The following KLHL5 variants were observed in gnomAD, a reference collection of about 807,000 sequenced individuals.
KLHL5 encodes kelch like family member 5, also known as kelch-like protein 5.
A neutral mutation model predicts 77.7 loss-of-function variants in KLHL5; 48 were observed. The observed-to-expected ratio is 0.62, with a 90% CI of 0.49 to 0.79. The LOEUF is 0.79. KLHL5 is among the 30% of genes least tolerant of loss of function. The pLI, the probability that KLHL5 is intolerant of heterozygous loss-of-function variation, is 0.00. For missense variants in KLHL5, 723 were observed against 859.7 expected (o/e 0.84, Z 1.99); for synonymous variants, 260 against 297.0 (o/e 0.88, Z 1.28).
Position 39,121,185 on chromosome 4 carries a change from C to T in KLHL5, c.*119C>T. 1 of 773,982 alleles carries T rather than the reference C, an allele frequency of 1.3e-6. No individual in the cohort carries two copies. Among genetic ancestry groups the T allele is most frequent in the Non-Finnish European group, 2.2e-6 (1 of 458,942 alleles). The allele number at this position is 773,982 out of a possible 1,614,324, so 47.9% of individuals were successfully genotyped here. On this transcript the variant is annotated 3_prime_UTR_variant, in exon 11 of 11. Transcript: ENST00000504108. ...TTGTCACAATCCTGGGCACAAAGTG[C>T]CTGATGTCAAAATGAAGATAGTAAA...
intron 5 of KLHL5, among the ~76,000 whole-genome samples, chr4:39,094,817 G>C (rs927311430): frequency 1.3e-5 from 2 of 152,026 alleles, no homozygotes; most frequent in Admixed American, 6.6e-5. Context: ...AAATAAAAAT[G>C]CTCCTCCACT....
chr4:39,105,149 A>AT (rs1452001691), intron 7 of KLHL5, among the ~76,000 whole-genome samples: 1 of 110,024 alleles, frequency 9.1e-6, no homozygotes, highest in African/African-American at 3.0e-5. Context: ...AGTTCTGCTA[A>AT]ATTTTTTTTT....
chr4:39,091,735 A>G (rs901432792), intron 5 of KLHL5, among the ~76,000 whole-genome samples: 2 of 149,564 alleles, frequency 1.3e-5, no homozygotes, highest in Non-Finnish European at 3.0e-5. Context: ...TAGTGGCACA[A>G]TCATAGCTCA....
At chr4:39,115,109 A>T in intron 9 of KLHL5, 50 bp from the exon 10 acceptor site, 1 of 1,539,644 alleles carries the variant, frequency 6.5e-7, no homozygotes, top group Non-Finnish European at 8.8e-7. Context: ...CTGTTTTTAC[A>T]TAAATATTTT....
At chr4:39,055,094 G>C (rs1184196235) in intron 1 of KLHL5, among the ~76,000 whole-genome samples, 1 of 152,190 alleles carries the variant, frequency 6.6e-6, no homozygotes, top group Non-Finnish European at 1.5e-5. Flanking sequence ...ATAAAGGCTG[G>C]ATAATTCTAA....
chr4:39,099,559 CCAAA>C (rs1018879984), intron 6 of KLHL5, among the ~76,000 whole-genome samples: 1 of 152,136 alleles, frequency 6.6e-6, no homozygotes, highest in Non-Finnish European at 1.5e-5. Context: ...ATCTAACAGG[CCAAA>C]CATTTTATCC....
At position 39,082,158 on chromosome 4, in the gene KLHL5, T is replaced by C. The variant is rs1425467816; in HGVS notation, c.899T>C (p.Met300Thr). 5 of 1,575,188 alleles carry C rather than the reference T, an allele frequency of 3.2e-6. No individual in the cohort carries two copies. In the African/African-American group the frequency reaches 4.1e-5, roughly 13 times the overall value. ...CATAAAGTGGCTCACAATTATACTA[T>C]GGTATGTATTTTTTGAAGGTGAGAA... Reference protein sequence around the residue: ...DLHKVAHNYTMEHFMEVIRNQ... With the variant: ...DLHKVAHNYTTEHFMEVIRNQ... The change falls in exon 4 of 11, where the codon ATG (methionine) becomes ACG (threonine). Residue 300 changes from methionine to threonine, a missense_variant and splice_region_variant. Met to Thr is a moderately conservative substitution (Grantham distance 81, BLOSUM62 -1). Transcript: ENST00000504108.
At chr4:39,119,591 A>C (rs1723073030) in intron 10 of KLHL5, among the ~76,000 whole-genome samples, 1 of 152,186 alleles carries the variant, frequency 6.6e-6, no homozygotes, top group African/African-American at 2.4e-5. Context: ...TCTCAAAAAC[A>C]AGCCAAACAA....
At chr4:39,113,500 C>T (rs1722610426) in intron 9 of KLHL5, among the ~76,000 whole-genome samples, 1 of 152,072 alleles carries the variant, frequency 6.6e-6, no homozygotes, top group African/African-American at 2.4e-5. Context: ...GAATTTTAGG[C>T]AGAATGACTT....
Position 39,115,400 on chromosome 4 carries a change from T to C in KLHL5, c.2073+70T>C, listed in dbSNP as rs1560442229. On this transcript the variant is annotated intron_variant, in intron 10 of 10. Coordinates refer to ENST00000504108, the MANE Select transcript of KLHL5 (RefSeq NM_015990.5). ...AAAACAATTCTTATGGTAAAACAGA[T>C]CCCCTCAATCTTGTCCAATACTGAA... The C allele has an allele frequency of 4.4e-6, 7 of 1,587,848 alleles. No individual in the cohort carries two copies. In the South Asian group the frequency reaches 8.0e-5, roughly 18 times the overall value.
chr4:39,045,346 G>C (rs1716093806), intron 1 of KLHL5, among the ~76,000 whole-genome samples: 1 of 151,324 alleles, frequency 6.6e-6, no homozygotes, highest in Non-Finnish European at 1.5e-5. Context: ...CCGAGCGCCG[G>C]AGCCGGCGCC....
downstream of KLHL5, among the ~76,000 whole-genome samples, chr4:39,129,422 C>A (rs933028705): frequency 2.6e-5 from 4 of 152,134 alleles, no homozygotes; most frequent in Non-Finnish European, 4.4e-5. This position sits in a 1 kb window ranked among gnomAD's most constrained non-coding sequence, Gnocchi z 4.2. Context: ...GTTGGTCAGG[C>A]TGGTCTCAAA....
At position 39,124,021 on chromosome 4, in the gene KLHL5, A is replaced by G. The variant is rs989433495; in HGVS notation, c.*2955A>G. ...TTGCAAGATCAACACACAAAAGTCTAAGAAAAACCTGAGGGGAAATTAAAA... is the reference window on the plus strand; with the variant it reads ...TTGCAAGATCAACACACAAAAGTCTGAGAAAAACCTGAGGGGAAATTAAAA... On this transcript the variant is annotated 3_prime_UTR_variant, in exon 11 of 11. Coordinates refer to ENST00000504108, the MANE Select transcript of KLHL5 (RefSeq NM_015990.5). 2.0e-5 allele frequency among the ~76,000 whole-genome samples: 3 copies of G among 152,222 alleles called. No individual in the cohort carries two copies. Among genetic ancestry groups the G allele is most frequent in the Non-Finnish European group, 2.9e-5 (2 of 68,020 alleles).
intron 2 of KLHL5, among the ~76,000 whole-genome samples, chr4:39,078,851 C>T (rs1419632944): frequency 6.6e-6 from 1 of 151,954 alleles, no homozygotes; most frequent in Non-Finnish European, 1.5e-5. Flanking sequence ...CACTAAAGAA[C>T]TTATTCATGT....
rs1334400828 is a variant in KLHL5, at chr4:39,124,148, A to G, written c.*3082A>G. Among the ~76,000 whole-genome samples the G allele has an allele frequency of 6.6e-5, 10 of 152,212 alleles. No homozygotes were observed. On this transcript the variant is annotated 3_prime_UTR_variant, in exon 11 of 11. Transcript: ENST00000504108. ...CACTGAAAAGTACAAAACGTTGCTG[A>G]AAGAAATTAAAGAAGACCTAAATAA... is the stretch of plus-strand genomic sequence containing the variant.
rs929212345 is a variant in KLHL5, at chr4:39,080,960, G to A, written c.567-143G>A. On this transcript the variant is annotated intron_variant, in intron 2 of 10. Coordinates refer to ENST00000504108, the MANE Select transcript of KLHL5 (RefSeq NM_015990.5). ...TTATTATTCAAAGGAAGGAACTAGA[G>A]CATAAAGCAATTTGTCAAGCTTAAA... 1.9e-5 allele frequency: 14 copies of A among 727,672 alleles called. No homozygotes were observed. The Admixed American group carries it at 2.4e-4, about 12-fold the overall frequency. 45.1% of individuals were successfully genotyped at this position (727,672 alleles called of 1,614,324 possible).
At position 39,081,890 on chromosome 4, in the gene KLHL5, G is replaced by C. The variant is rs1719649781; in HGVS notation, c.704-73G>C. The C allele has an allele frequency of 2.7e-6, 3 of 1,130,974 alleles. No individual in the cohort carries two copies. Among genetic ancestry groups the C allele is most frequent in the Non-Finnish European group, 3.7e-6 (3 of 808,650 alleles). 70.1% of individuals were successfully genotyped at this position (1,130,974 alleles called of 1,614,324 possible). On this transcript the variant is annotated intron_variant, in intron 3 of 10. Transcript: ENST00000504108. The surrounding 1 kb of genome is among the most constrained non-coding windows in gnomAD (Gnocchi z 4.3). Reference sequence around the variant, plus strand: ...TGAGCTCTTATATGGAACCACTACTGTTAACATCAATTATTTTATAAAATA... The same window carrying C: ...TGAGCTCTTATATGGAACCACTACTCTTAACATCAATTATTTTATAAAATA...
intron 6 of KLHL5, among the ~76,000 whole-genome samples, chr4:39,102,755 A>C (rs1721697149): frequency 6.6e-6 from 1 of 152,122 alleles, no homozygotes; most frequent in South Asian, 2.1e-4. Flanking sequence ...AGTAATTTCT[A>C]TCTCTCCTTA....
downstream of KLHL5, among the ~76,000 whole-genome samples, chr4:39,130,393 G>A (rs1392768307): frequency 6.6e-6 from 1 of 152,192 alleles, no homozygotes; most frequent in Admixed American, 6.5e-5. Flanking sequence ...TTCTGCCCTA[G>A]GTGGGCCAGG....
Sources: allele counts gnomAD v4.1 joint callset (sites outside exome capture counted in the v4.1 genomes callset), GRCh38; gene constraint gnomAD v4.1.1; non-coding constraint Gnocchi (gnomAD v3.1); transcripts MANE v1.5; gene names NCBI Gene and HGNC (gene_info 2026-07-23, HGNC 2026-07-21).